The following CSMD1 variants were observed in gnomAD, a reference collection of about 807,000 sequenced individuals.
CSMD1 encodes CUB and sushi domain-containing protein 1.
Under a neutral mutation model 417.5 loss-of-function variants are expected in CSMD1, and 213 were observed. The observed-to-expected ratio is 0.51, with a 90% confidence interval of 0.46 to 0.57. CSMD1 has a LOEUF of 0.57. Ranked by LOEUF, CSMD1 falls within the 20% of genes least tolerant of loss-of-function variation. The pLI is 0.00. For missense variants in CSMD1, 6,923 were observed against 4,529.7 expected (o/e 1.53, Z -15.17); for synonymous variants, 2,862 against 1,736.8 (o/e 1.65, Z -16.11).
At chr8:3,582,952 A>T (rs1800444469) in intron 9 of CSMD1, among the ~76,000 whole-genome samples, 1 of 152,174 alleles carries the variant, frequency 6.6e-6, no homozygotes, top group Non-Finnish European at 1.5e-5. Context: ...AGGCATAATT[A>T]AACTACCTTA....
At chr8:4,461,628 G>A (rs1799825381) in intron 2 of CSMD1, among the ~76,000 whole-genome samples, 1 of 151,802 alleles carries the variant, frequency 6.6e-6, no homozygotes, top group South Asian at 2.1e-4. Context: ...TCAGCCCACT[G>A]CATCGTGTAC....
chr8:3,385,246 T>G (rs981857971), intron 18 of CSMD1, among the ~76,000 whole-genome samples: 1 of 148,878 alleles, frequency 6.7e-6, no homozygotes, highest in Non-Finnish European at 1.5e-5. Flanking sequence ...TGAATGCATA[T>G]GTATGTATAC....
At chr8:4,010,361 A>G (rs1054256117) in intron 4 of CSMD1, among the ~76,000 whole-genome samples, 1 of 152,134 alleles carries the variant, frequency 6.6e-6, no homozygotes, top group Non-Finnish European at 1.5e-5. Flanking sequence ...TTCCAAGAAG[A>G]TTTAAACTTC....
chr8:4,572,382 G>C (rs1238534095), intron 2 of CSMD1, among the ~76,000 whole-genome samples: 1 of 152,150 alleles, frequency 6.6e-6, no homozygotes, highest in East Asian at 1.9e-4. Context: ...ATGAAGCTTA[G>C]TTTGGCTGGA....
intron 5 of CSMD1, among the ~76,000 whole-genome samples, chr8:3,906,879 A>C (rs1808151962): frequency 6.6e-6 from 1 of 152,194 alleles, no homozygotes; most frequent in African/African-American, 2.4e-5. Context: ...ATTAGTACCA[A>C]GTCTTTCTAG....
At chr8:3,990,942 C>A (rs1245999698) in intron 5 of CSMD1, among the ~76,000 whole-genome samples, 1 of 152,154 alleles carries the variant, frequency 6.6e-6, no homozygotes, top group African/African-American at 2.4e-5. Flanking sequence ...AAAGCATCAT[C>A]TCTAGATGAT....
chr8:4,262,187 C>A (rs73500611), intron 3 of CSMD1, among the ~76,000 whole-genome samples: 23 of 152,170 alleles, frequency 1.5e-4, no homozygotes, highest in Non-Finnish European at 7.3e-5. Flanking sequence ...TTTTGACTCT[C>A]TTGGGTGAAT....
chr8:3,237,912 T>C (rs1430708108), intron 26 of CSMD1, among the ~76,000 whole-genome samples: 3 of 143,394 alleles, frequency 2.1e-5, no homozygotes. Flanking sequence ...TACTTATATA[T>C]TTTTGTATAT....
chr8:4,189,165 G>C (rs544882777), intron 3 of CSMD1, among the ~76,000 whole-genome samples: 57 of 152,312 alleles, frequency 3.7e-4, no homozygotes, highest in African/African-American at 1.3e-3. Context: ...GTTCACAGAA[G>C]GTGCACACAC....
intron 11 of CSMD1, among the ~76,000 whole-genome samples, chr8:3,474,417 T>G (rs1006239963): frequency 8.5e-5 from 13 of 152,124 alleles, no homozygotes; most frequent in African/African-American, 3.1e-4. Flanking sequence ...AACAAACATT[T>G]ATTTATCCCT....
intron 5 of CSMD1, among the ~76,000 whole-genome samples, chr8:3,986,160 T>A (rs1814305246): frequency 6.6e-6 from 1 of 152,044 alleles, no homozygotes. Flanking sequence ...CACCTTAAAG[T>A]CTCTCCAAAG....
chr8:3,510,956 A>T (rs1287260127), intron 10 of CSMD1, among the ~76,000 whole-genome samples: 1 of 151,812 alleles, frequency 6.6e-6, no homozygotes, highest in South Asian at 2.1e-4. Flanking sequence ...CACTATTCAC[A>T]ATAGCAAAGA....
At chr8:3,009,464 T>C (rs1322659442) in intron 52 of CSMD1, among the ~76,000 whole-genome samples, 1 of 152,224 alleles carries the variant, frequency 6.6e-6, no homozygotes, top group Non-Finnish European at 1.5e-5. Flanking sequence ...ATTTGGGCAG[T>C]AGATTCCAAA....
At chr8:3,562,368 A>C (rs1193908713) in intron 10 of CSMD1, among the ~76,000 whole-genome samples, 1 of 152,134 alleles carries the variant, frequency 6.6e-6, no homozygotes, top group Non-Finnish European at 1.5e-5. Flanking sequence ...GGACACACAC[A>C]CACATGCACA....
intron 1 of CSMD1, among the ~76,000 whole-genome samples, chr8:4,654,710 T>C (rs984817167): frequency 6.6e-6 from 1 of 152,150 alleles, no homozygotes. Flanking sequence ...GGAAGAGGTG[T>C]CTTATTTCTC....
chr8:4,402,922 C>T (rs1032948377), intron 3 of CSMD1, among the ~76,000 whole-genome samples: 2 of 148,384 alleles, frequency 1.3e-5, no homozygotes. Context: ...TGGGTTCATG[C>T]CATTCTCCTG....
intron 2 of CSMD1, among the ~76,000 whole-genome samples, chr8:4,514,882 C>G (rs770331085): frequency 4.6e-5 from 7 of 152,110 alleles, no homozygotes; most frequent in Non-Finnish European, 8.8e-5. Context: ...ACAACCACAC[C>G]AAAAACAAAG....
chr8:3,479,562 G>A (rs1256597870), intron 11 of CSMD1, among the ~76,000 whole-genome samples: 4 of 152,222 alleles, frequency 2.6e-5, no homozygotes, highest in African/African-American at 9.6e-5. Context: ...TTACAGGTGT[G>A]AGCCACCGCG....
chr8:4,647,347 C>G (rs773968523), intron 1 of CSMD1, among the ~76,000 whole-genome samples: 3 of 148,960 alleles, frequency 2.0e-5, no homozygotes, highest in East Asian at 4.0e-4. Flanking sequence ...TACGTAGGTA[C>G]GCGTGTGCCA....
Sources: allele counts gnomAD v4.1 joint callset (sites outside exome capture counted in the v4.1 genomes callset), GRCh38; gene constraint gnomAD v4.1.1; transcripts MANE v1.5; gene names NCBI Gene and HGNC (gene_info 2026-07-23, HGNC 2026-07-21).